Variants in CRPPA observed in about 807,000 individuals in gnomAD.
CRPPA encodes D-ribitol-5-phosphate cytidylyltransferase.
A neutral mutation model predicts 52.0 loss-of-function variants in CRPPA; 43 were observed. That is an observed-to-expected ratio of 0.83 (90% CI 0.65 to 1.07). The LOEUF (loss-of-function observed/expected upper bound fraction) is 1.07, where lower values mean the gene tolerates loss of function less well. Among genes scored for constraint, CRPPA ranks in the 50% least tolerant of loss-of-function variants. The pLI, the probability that CRPPA is intolerant of heterozygous loss-of-function variation, is 0.00. For missense variants in CRPPA, 629 were observed against 551.7 expected, an observed-to-expected ratio of 1.14 and a Z score of -1.40; for synonymous variants, 250 against 203.5, an observed-to-expected ratio of 1.23 and a Z score of -1.94.
intron 8 of CRPPA, among the ~76,000 whole-genome samples, chr7:16,223,395 C>T (rs938428143): frequency 1.3e-5 from 2 of 152,132 alleles, no homozygotes; most frequent in African/African-American, 4.8e-5. Context: ...TTTACAAATT[C>T]TTTTCATGAA....
chr7:16,304,418 G>T (rs1046913767), intron 4 of CRPPA, among the ~76,000 whole-genome samples: 1 of 152,048 alleles, frequency 6.6e-6, no homozygotes, highest in African/African-American at 2.4e-5. Context: ...TTACCAAAAC[G>T]TATTTATAAA....
chr7:16,268,735 T>A (rs968775239), intron 6 of CRPPA: 2 of 152,198 alleles, frequency 1.3e-5, no homozygotes, highest in Non-Finnish European at 2.9e-5. Context: ...TAATATAGAA[T>A]CTTACGGTAG....
At chr7:16,175,052 G>T (rs1343086166) in intron 9 of CRPPA, among the ~76,000 whole-genome samples, 1 of 152,084 alleles carries the variant, frequency 6.6e-6, no homozygotes, top group African/African-American at 2.4e-5. Flanking sequence ...ACACTCATAT[G>T]GCTCAGTGGA....
intron 4 of CRPPA, among the ~76,000 whole-genome samples, chr7:16,304,937 G>C (rs1405376341): frequency 6.6e-6 from 1 of 152,260 alleles, no homozygotes; most frequent in East Asian, 1.9e-4. Context: ...TCAAGTACAT[G>C]GCCATGCCAT....
intron 9 of CRPPA, among the ~76,000 whole-genome samples, chr7:16,210,300 G>C (rs994097313): frequency 2.6e-5 from 4 of 152,170 alleles, no homozygotes; most frequent in Non-Finnish European, 5.9e-5. Flanking sequence ...TCCAGTGTTA[G>C]TGTGGTAGGC....
intron 5 of CRPPA, among the ~76,000 whole-genome samples, chr7:16,288,813 T>A (rs1251364481): frequency 8.4e-6 from 1 of 118,608 alleles, no homozygotes; most frequent in African/African-American, 3.4e-5. Context: ...ACCACTGCAC[T>A]CCAGTCTGGG....
At position 16,199,958 on chromosome 7, in the gene CRPPA, A is replaced by G. The variant is rs560216106; in HGVS notation, c.1251+16108T>C. 4.2e-5 allele frequency among the ~76,000 whole-genome samples: 6 copies of G among 143,836 alleles called. No homozygotes were observed. In the South Asian group the frequency reaches 1.3e-3, roughly 31 times the overall value. 94.4% of individuals were successfully genotyped at this position (143,836 alleles called of 152,430 possible). On this transcript the variant is annotated intron_variant, in intron 9 of 9. Coordinates refer to ENST00000407010, the MANE Select transcript of CRPPA (RefSeq NM_001101426.4). ...CTGCAAGCTCTCCCTCCTGGTTTCC[A>G]GTGATTCTCCTGCCTCTGCCTGCTG...
chr7:16,138,256 C>T (rs1047971609), intron 9 of CRPPA, among the ~76,000 whole-genome samples: 1 of 152,112 alleles, frequency 6.6e-6, no homozygotes, highest in Non-Finnish European at 1.5e-5. Context: ...TCAGGTAGAA[C>T]AATTGATTTA....
Position 16,379,861 on chromosome 7 carries a change from G to T in CRPPA, c.535-3620C>A, listed in dbSNP as rs546692595. ...TTTTATATCCCGAGACTTTGCTGAA[G>T]TTGCTTATCACCTTAAGGAGATTTT... On this transcript the variant is annotated intron_variant, in intron 2 of 9. Coordinates refer to ENST00000407010, the MANE Select transcript of CRPPA (RefSeq NM_001101426.4). Among the ~76,000 whole-genome samples, 3 of 152,190 alleles carry T rather than the reference G, an allele frequency of 2.0e-5. 1 individual carries two copies. Among genetic ancestry groups the T allele is most frequent in the Non-Finnish European group, 4.4e-5 (3 of 68,046 alleles).
At chr7:16,398,838 G>T (rs1274039059) in intron 2 of CRPPA, among the ~76,000 whole-genome samples, 1 of 152,180 alleles carries the variant, frequency 6.6e-6, no homozygotes, top group Non-Finnish European at 1.5e-5. Flanking sequence ...ACACGTGACT[G>T]ACGCGATTTA....
intron 3 of CRPPA, among the ~76,000 whole-genome samples, chr7:16,352,785 T>C (rs990738869): frequency 6.6e-6 from 1 of 151,956 alleles, no homozygotes; most frequent in Admixed American, 6.6e-5. Context: ...ATGTCAGAGA[T>C]GTCTGTACTC....
At chr7:16,400,511 C>G (rs970744356) in intron 2 of CRPPA, among the ~76,000 whole-genome samples, 3 of 152,238 alleles carry the variant, frequency 2.0e-5, no homozygotes, top group Admixed American at 1.3e-4. Context: ...ACCCGAACGA[C>G]ACGACTGGCA....
intron 8 of CRPPA, among the ~76,000 whole-genome samples, chr7:16,250,127 T>G (rs889420844): frequency 7.9e-5 from 12 of 152,044 alleles, no homozygotes; most frequent in African/African-American, 2.7e-4. Flanking sequence ...GAAGAAAGTA[T>G]ATCAGTGATT....
chr7:16,199,259 C>G (rs1285798595), intron 9 of CRPPA, among the ~76,000 whole-genome samples: 8 of 152,126 alleles, frequency 5.3e-5, no homozygotes, highest in Non-Finnish European at 1.0e-4. Context: ...TGATCAGTCA[C>G]TTCTGCAAAA....
rs545498530 is a variant in CRPPA at position 16,323,929 on chromosome 7, T to C, written c.685-15302A>G. Among the ~76,000 whole-genome samples the C allele has an allele frequency of 1.4e-3, 219 of 152,084 alleles. 1 individual carries two copies. The highest frequency in any genetic ancestry group is 4.7e-3 in the African/African-American group (197 of 41,476). On this transcript the variant is annotated intron_variant, in intron 3 of 9. Transcript: ENST00000407010. ...AGCACCTACATACGTGGTAAAACTG[T>C]AGAGAAAAGCAAAGAAATTAACAGA...
intron 9 of CRPPA, among the ~76,000 whole-genome samples, chr7:16,200,745 G>C (rs975919572): frequency 3.3e-5 from 5 of 152,166 alleles, no homozygotes; most frequent in Non-Finnish European, 7.4e-5. Context: ...TTGTGAAAGA[G>C]TAATAAATTG....
chr7:16,119,395 A>T (rs1049058606), intron 9 of CRPPA, among the ~76,000 whole-genome samples: 1 of 152,198 alleles, frequency 6.6e-6, no homozygotes, highest in African/African-American at 2.4e-5. Context: ...AAATTAAAAA[A>T]AATGCAAAAC....
chr7:16,264,083 A>G (rs1583477414), intron 6 of CRPPA, among the ~76,000 whole-genome samples: 1 of 152,302 alleles, frequency 6.6e-6, no homozygotes, highest in East Asian at 1.9e-4. Flanking sequence ...ACCAGAAAAC[A>G]ATCAGTATTT....
chr7:16,216,236 C>A, intron 8 of CRPPA, 39 bp from the exon 9 acceptor site: 1 of 1,349,560 alleles, frequency 7.4e-7, no homozygotes, highest in African/African-American at 1.5e-5. Context: ...ATATCATTCC[C>A]TTCAACTTTC....
Sources: gnomAD v4.1 joint callset for allele counts (sites outside exome capture counted in the v4.1 genomes callset) on GRCh38, gnomAD v4.1.1 for gene constraint, MANE v1.5 for transcripts, NCBI Gene and HGNC (gene_info 2026-07-23, HGNC 2026-07-21) for gene names.